CEP112: variants seen among roughly 807,000 people sequenced by gnomAD.
The protein encoded by CEP112 is centrosomal protein 112.
CEP112 carries 127 observed loss-of-function variants against 153.0 expected under a neutral mutation model. The ratio of observed to expected loss-of-function variants is 0.83; its 90% CI spans 0.72 to 0.96. CEP112 has a LOEUF of 0.96. Ranked by LOEUF, CEP112 falls within the 40% of genes least tolerant of loss-of-function variation. The pLI, the probability that CEP112 is intolerant of heterozygous loss-of-function variation, is 0.00. For synonymous variants in CEP112, 358 were observed against 374.4 expected (o/e 0.96, Z 0.51); for missense variants, 1,089 against 1,101.2 (o/e 0.99, Z 0.16).
At chr17:65,817,017 C>T (rs1177986792) in intron 21 of CEP112, among the ~76,000 whole-genome samples, 2 of 151,892 alleles carry the variant, frequency 1.3e-5, no homozygotes, top group African/African-American at 2.4e-5. Flanking sequence ...CAGTTACTTG[C>T]ATACAGAGAT....
intron 17 of CEP112, among the ~76,000 whole-genome samples, chr17:65,992,676 A>AT (rs1355058574): frequency 3.3e-5 from 5 of 152,038 alleles, no homozygotes; most frequent in African/African-American, 1.2e-4. Context: ...CCTTAATTCA[A>AT]TTTTTTCTCC....
At chr17:65,716,854 G>C (rs901097230) in intron 23 of CEP112, among the ~76,000 whole-genome samples, 2 of 152,116 alleles carry the variant, frequency 1.3e-5, no homozygotes, top group African/African-American at 4.8e-5. Context: ...AGGGACAAAG[G>C]GGTTCCAAGG....
intron 18 of CEP112, among the ~76,000 whole-genome samples, chr17:65,940,265 G>A (rs2061467176): frequency 6.6e-6 from 1 of 152,154 alleles, no homozygotes; most frequent in Non-Finnish European, 1.5e-5. Context: ...GGAGAAAAGG[G>A]AACCCTTGTA....
chr17:66,157,705 CAAA>C (rs370026993), intron 4 of CEP112, among the ~76,000 whole-genome samples: 4,567 of 93,814 alleles, frequency 0.049, 101 homozygotes, highest in Middle Eastern at 0.11. Context: ...AAATGGAAAG[CAAA>C]AAAAAAAAAA....
At chr17:66,096,717 C>CCATAT (rs2068362151) in intron 6 of CEP112, 85 bp from the exon 7 acceptor site, 2 of 817,142 alleles carry the variant, frequency 2.4e-6, no homozygotes, top group South Asian at 3.4e-5. Flanking sequence ...AATTAAGCTG[C>CCATAT]CATATGAAAC....
At chr17:66,100,383 G>C (rs2068518530) in intron 6 of CEP112, among the ~76,000 whole-genome samples, 1 of 135,792 alleles carries the variant, frequency 7.4e-6, no homozygotes, top group South Asian at 2.4e-4. Flanking sequence ...CTGGACAACA[G>C]AGTGAGATTC....
rs1205373359 is a variant in CEP112, at chr17:66,108,509, A to C, written c.643-11877T>G. On this transcript the variant is annotated intron_variant, in intron 6 of 26. Coordinates refer to ENST00000535342, the MANE Select transcript of CEP112 (RefSeq NM_001199165.4). ...TATAAATGTCAAACAGACATATGAC[A>C]AGATGTTTAACATTACTGATCATCA... 2.0e-5 allele frequency among the ~76,000 whole-genome samples: 3 copies of C among 152,246 alleles called. No individual in the cohort carries two copies. The East Asian group carries it at 5.8e-4, about 29-fold the overall frequency.
At chr17:65,917,792 T>C (rs9915585) in intron 19 of CEP112, among the ~76,000 whole-genome samples, 27,774 of 151,876 alleles carry the variant, frequency 0.18, 2,743 homozygotes, top group Admixed American at 0.28. Flanking sequence ...CTCCACCTTC[T>C]TGGGAACATA....
intron 21 of CEP112, chr17:65,826,478 T>G: frequency 6.8e-7 from 1 of 1,466,710 alleles, no homozygotes; most frequent in Non-Finnish European, 8.9e-7. Flanking sequence ...ATCTCTTAGG[T>G]GGGGGTGAGG....
chr17:65,917,787 C>T (rs1269286653), intron 19 of CEP112, among the ~76,000 whole-genome samples: 1 of 151,994 alleles, frequency 6.6e-6, no homozygotes, highest in Admixed American at 6.5e-5. Context: ...AGTATCTCCA[C>T]CTTCTTGGGA....
chr17:66,084,386 A>G (rs1012428020), intron 8 of CEP112, among the ~76,000 whole-genome samples: 2 of 152,266 alleles, frequency 1.3e-5, no homozygotes, highest in Admixed American at 1.3e-4. Context: ...ACTAATAACA[A>G]TAGTGAAGAT....
intron 19 of CEP112, among the ~76,000 whole-genome samples, chr17:65,907,170 A>G (rs918690070): frequency 2.0e-5 from 3 of 152,206 alleles, no homozygotes; most frequent in African/African-American, 7.2e-5. Flanking sequence ...TGAGATCGTT[A>G]GTAATGATAC....
chr17:66,101,182 T>A, intron 6 of CEP112, among the ~76,000 whole-genome samples: 1 of 152,122 alleles, frequency 6.6e-6, no homozygotes, highest in Non-Finnish European at 1.5e-5. Flanking sequence ...CTTTATTTAT[T>A]TATATATTTA....
At chr17:65,966,925 T>C (rs2062435789) in intron 17 of CEP112, among the ~76,000 whole-genome samples, 1 of 152,206 alleles carries the variant, frequency 6.6e-6, no homozygotes, top group South Asian at 2.1e-4. Flanking sequence ...AGATTCAACA[T>C]AATCAATGCA....
intron 21 of CEP112, among the ~76,000 whole-genome samples, chr17:65,821,505 TATA>T (rs2056542179): frequency 8.0e-6 from 1 of 125,630 alleles, no homozygotes; most frequent in South Asian, 2.5e-4. Context: ...ATTATATATA[TATA>T]TATAATTATA....
intron 17 of CEP112, among the ~76,000 whole-genome samples, chr17:65,971,108 A>G (rs2144966693): frequency 6.6e-6 from 1 of 152,296 alleles, no homozygotes; most frequent in South Asian, 2.1e-4. Flanking sequence ...GGTACATTGC[A>G]TGTTCCTTGC....
chr17:65,991,641 C>A (rs2063599252), intron 17 of CEP112, among the ~76,000 whole-genome samples: 2 of 151,776 alleles, frequency 1.3e-5, no homozygotes, highest in African/African-American at 4.8e-5. Context: ...TGAAGGAGAC[C>A]CTACAAAGGT....
chr17:65,637,071 G>A (rs1374559765), intron 26 of CEP112, 53 bp downstream of exon 26: 2 of 1,364,440 alleles, frequency 1.5e-6, no homozygotes, highest in Non-Finnish European at 2.1e-6. Context: ...GAGGCTCACA[G>A]GTGACACAAC....
At chr17:66,023,570 G>T (rs1032065384) in intron 16 of CEP112, among the ~76,000 whole-genome samples, 2 of 152,066 alleles carry the variant, frequency 1.3e-5, no homozygotes, top group Admixed American at 6.6e-5. Flanking sequence ...GCTCAAAGGA[G>T]TTCTAAACAT....
Sources: gnomAD v4.1 joint callset for allele counts (sites outside exome capture counted in the v4.1 genomes callset) on GRCh38, gnomAD v4.1.1 for gene constraint, MANE v1.5 for transcripts, NCBI Gene and HGNC (gene_info 2026-07-23, HGNC 2026-07-21) for gene names.